HOATZ: variants seen among roughly 807,000 people sequenced by gnomAD.
HOATZ encodes HOATZ cilia and flagella associated protein, also known as cilia- and flagella-associated protein HOATZ.
Under a neutral mutation model 24.9 loss-of-function variants are expected in HOATZ, and 26 were observed. The ratio of observed to expected loss-of-function variants is 1.04; its 90% CI spans 0.76 to 1.45. The LOEUF (loss-of-function observed/expected upper bound fraction) is 1.45, where lower values mean the gene tolerates loss of function less well. Ranked by LOEUF, HOATZ falls within the 40% of genes most tolerant of loss-of-function variation. The pLI is 0.00. For synonymous variants in HOATZ, 83 were observed against 76.6 expected, an observed-to-expected ratio of 1.08 and a Z score of -0.43; for missense variants, 226 against 201.5, an observed-to-expected ratio of 1.12 and a Z score of -0.74.
In HOATZ at chr11:111,516,066, C is replaced by T. The variant is rs752367229; in HGVS notation, c.295C>T (p.Leu99=). The T allele has an allele frequency of 6.3e-7, 1 of 1,599,618 alleles. No individual in the cohort carries two copies. The highest frequency in any genetic ancestry group is 1.1e-5 in the South Asian group (1 of 87,796). The part of the protein sequence containing the change: ...NKNRDIFAEA[L]KIQESEEKVK... ...AAATAGAGACATCTTTGCCGAAGCC[C>T]TAAAGATACAGGAATCTGAGGAGAA... Residue 99 remains leucine, a synonymous_variant, in exon 3 of 6, where the codon CTA becomes TTA. Transcript: ENST00000375618.
Position 111,515,553 on chromosome 11 carries a change from G to A in HOATZ, c.268+1G>A. 6 of 1,612,406 alleles carry A rather than the reference G, an allele frequency of 3.7e-6. No homozygotes were observed. Among genetic ancestry groups the A allele is most frequent in the Non-Finnish European group, 4.2e-6 (5 of 1,178,496 alleles). On this transcript the variant is annotated splice_donor_variant, in intron 2 of 5. Transcript: ENST00000375618. LOFTEE classifies it high-confidence loss of function. ...CAGTCTTTTCACCTTGCGAGTAACAGTAAGTACCAAGTTTTATGCCTTTCA... is the reference window on the plus strand; with the variant it reads ...CAGTCTTTTCACCTTGCGAGTAACAATAAGTACCAAGTTTTATGCCTTTCA...
At chr11:111,533,855 G>T (rs1175288783) in intron 4 of HOATZ, 50 bp downstream of exon 4, 2 of 1,391,138 alleles carry the variant, frequency 1.4e-6, no homozygotes, top group Non-Finnish European at 1.9e-6. Flanking sequence ...TGGATGAATT[G>T]TGGCAAATTT....
Position 111,534,026 on chromosome 11 carries a change from G to A in HOATZ, c.399+221G>A, listed in dbSNP as rs145552452. On this transcript the variant is annotated intron_variant, in intron 4 of 5. Transcript: ENST00000375618. Reference sequence around the variant, plus strand: ...GCAGCCCTCCTGGCATAAGAAATGAGGTATTATTGTCAGTGGAGTTTACTG... The same window carrying A: ...GCAGCCCTCCTGGCATAAGAAATGAAGTATTATTGTCAGTGGAGTTTACTG... Among the ~76,000 whole-genome samples the A allele has an allele frequency of 2.6e-3, 396 of 152,172 alleles. 1 individual carries two copies. The highest frequency in any genetic ancestry group is 8.8e-3 in the African/African-American group (365 of 41,512).
Position 111,533,729 on chromosome 11 carries a change from T to C in HOATZ, c.340-17T>C, listed in dbSNP as rs1486607564. 1 of 1,578,742 alleles carries C rather than the reference T, an allele frequency of 6.3e-7. No individual in the cohort carries two copies. The highest frequency in any genetic ancestry group is 1.8e-5 in the Admixed American group (1 of 55,716). ...ATTATTGAATCGAGACACCCACTTT[T>C]TTCTTTCTTTAAACAGGCTAAAACA... is the stretch of plus-strand genomic sequence containing the variant. On this transcript the variant is annotated splice_polypyrimidine_tract_variant and intron_variant, in intron 3 of 5. Coordinates refer to ENST00000375618, the MANE Select transcript of HOATZ (RefSeq NM_001100388.2).
At chr11:111,517,981 T>C (rs1297422797) in intron 3 of HOATZ, among the ~76,000 whole-genome samples, 1 of 152,194 alleles carries the variant, frequency 6.6e-6, no homozygotes, top group Non-Finnish European at 1.5e-5. Flanking sequence ...TGTCTTCTCC[T>C]ATCACTCTCC....
chr11:111,515,080 C>T (rs1867166272), intron 1 of HOATZ, 70 bp downstream of exon 1: 1 of 1,090,416 alleles, frequency 9.2e-7, no homozygotes, highest in Non-Finnish European at 1.4e-6. Context: ...TACCAGAGCC[C>T]TTTCCAGGAG....
rs968980547 is a variant in HOATZ, at chr11:111,514,858, T to C, written c.74T>C (p.Val25Ala). The stretch of plus-strand genomic sequence containing the variant: ...GAAATGTGCCCCCCGGGATTACTGG[T>C]ATTTGCTGGCTCCTCGGAACAAGAT... The part of the protein sequence containing the change: ...SQEMCPPGLL[V>A]FAGSSEQDAN... Residue 25 changes from valine (V) to alanine (A), a missense_variant, in exon 1 of 6, where the codon GTA becomes GCA. Coordinates refer to ENST00000375618, the MANE Select transcript of HOATZ (RefSeq NM_001100388.2). 9 of 1,613,852 alleles carry C rather than the reference T, an allele frequency of 5.6e-6. No homozygotes were observed. The highest frequency in any genetic ancestry group is 7.6e-6 in the Non-Finnish European group (9 of 1,179,956).
chr11:111,516,167 AT>A, intron 3 of HOATZ, 57 bp downstream of exon 3: 2 of 1,152,324 alleles, frequency 1.7e-6, no homozygotes, highest in East Asian at 2.4e-5. Context: ...AATAATCTTG[AT>A]TTTTTAAACA....
Position 111,515,547 on chromosome 11 carries a change from G to C in HOATZ, c.263G>C (p.Ser88Thr). The change falls in exon 2 of 6, where the codon AGT becomes ACT. Residue 88 changes from serine (S) to threonine (T), a missense_variant. Transcript: ENST00000375618. ...TCCTCGCAGTCTTTTCACCTTGCGA[G>C]TAACAGTAAGTACCAAGTTTTATGC... ...SHSSQSFHLA[S>T]NKNRDIFAEA... 1 of 1,612,592 alleles carries C rather than the reference G, an allele frequency of 6.2e-7. No homozygotes were observed. Among genetic ancestry groups the C allele is most frequent in the South Asian group, 1.1e-5 (1 of 91,056 alleles).
rs749470247 is a variant in HOATZ, at chr11:111,514,925, T to TC, written c.146dup (p.Ser50Ter). ...AGTTCTGGATCTCGGCGTCGATGTA[T>TC]CCCCCTAGCGAATCTCAGCTGGTGC... On this transcript the variant is annotated frameshift_variant, in exon 1 of 6. Transcript: ENST00000375618. LOFTEE classifies it high-confidence loss of function. 1.0e-4 allele frequency: 164 copies of TC among 1,613,654 alleles called. 4 individuals are homozygous for TC. The South Asian group carries it at 1.7e-3, about 17-fold the overall frequency.
intron 3 of HOATZ, among the ~76,000 whole-genome samples, chr11:111,531,381 T>C (rs1489616413): frequency 2.0e-5 from 3 of 152,074 alleles, no homozygotes; most frequent in Non-Finnish European, 4.4e-5. Context: ...GATAAAGAGA[T>C]GAGTAAGGTT....
In HOATZ at chr11:111,514,871, C is replaced by T. The variant is rs748709343; in HGVS notation, c.87C>T (p.Ser29=). ...CGGGATTACTGGTATTTGCTGGCTC[C>T]TCGGAACAAGATGCCAACTTGGCTA... is the stretch of plus-strand genomic sequence containing the variant. ...CPPGLLVFAG[S]SEQDANLAKQ... Residue 29 remains serine (S), a synonymous_variant, in exon 1 of 6, where the codon TCC becomes TCT. Coordinates refer to ENST00000375618, the MANE Select transcript of HOATZ (RefSeq NM_001100388.2). 1 of 1,614,022 alleles carries T rather than the reference C, an allele frequency of 6.2e-7. No individual in the cohort carries two copies. The highest frequency in any genetic ancestry group is 8.5e-7 in the Non-Finnish European group (1 of 1,180,012).
chr11:111,534,028 T>A (rs1867422207), intron 4 of HOATZ, among the ~76,000 whole-genome samples: 1 of 152,224 alleles, frequency 6.6e-6, no homozygotes, highest in South Asian at 2.1e-4. Flanking sequence ...AGAAATGAGG[T>A]ATTATTGTCA....
intron 3 of HOATZ, among the ~76,000 whole-genome samples, chr11:111,522,172 A>T (rs373884501): frequency 6.6e-6 from 1 of 152,246 alleles, no homozygotes; most frequent in Non-Finnish European, 1.5e-5. Flanking sequence ...CTGAGATAAT[A>T]TTGGGCAAGG....
rs753700469 is a variant in HOATZ at position 111,514,799 on chromosome 11, C to G, written c.15C>G (p.Pro5=). ...CCTCAGTTGCCATGGAAACGGGACC[C>G]AGCGAAGAACCTAGCGGCCGAAAAG... METG[P]SEEPSGRKES... Residue 5 remains proline (P), a synonymous_variant, in exon 1 of 6, where the codon CCC becomes CCG. Coordinates refer to ENST00000375618, the MANE Select transcript of HOATZ (RefSeq NM_001100388.2). 5 of 1,613,906 alleles carry G rather than the reference C, an allele frequency of 3.1e-6. No homozygotes were observed. Among genetic ancestry groups the G allele is most frequent in the Non-Finnish European group, 4.2e-6 (5 of 1,179,910 alleles).
intron 3 of HOATZ, among the ~76,000 whole-genome samples, chr11:111,523,814 T>C (rs760754796): frequency 9.2e-5 from 14 of 152,338 alleles, no homozygotes; most frequent in Non-Finnish European, 1.9e-4. Context: ...CATTTAGCTG[T>C]TTACAGTCCA....
chr11:111,524,897 T>C (rs1430979858), intron 3 of HOATZ: 2 of 448,228 alleles, frequency 4.5e-6, no homozygotes, highest in Admixed American at 4.9e-5. Flanking sequence ...GGTCTCACTC[T>C]GTCACCCAGA....
chr11:111,534,543 CCA>C (rs771073414), intron 5 of HOATZ, 79 bp downstream of exon 5: 15 of 1,141,958 alleles, frequency 1.3e-5, no homozygotes, highest in Non-Finnish European at 2.0e-5. Flanking sequence ...TCTTACTTTG[CCA>C]CTTACCCTTA....
At chr11:111,532,328 G>A (rs762555049) in intron 3 of HOATZ, among the ~76,000 whole-genome samples, 2 of 152,094 alleles carry the variant, frequency 1.3e-5, no homozygotes, top group African/African-American at 2.4e-5. Context: ...TTACATTGAC[G>A]TTCTAACCAG....
Sources: gnomAD v4.1 joint callset for allele counts (sites outside exome capture counted in the v4.1 genomes callset) on GRCh38, gnomAD v4.1.1 for gene constraint, MANE v1.5 for transcripts, NCBI Gene and HGNC (gene_info 2026-07-23, HGNC 2026-07-21) for gene names.